Variants in PPEF1 observed in about 807,000 individuals in gnomAD.
The protein encoded by PPEF1 is serine/threonine-protein phosphatase with EF-hands 1.
Under a neutral mutation model 53.3 loss-of-function variants are expected in PPEF1, and 12 were observed. The observed-to-expected ratio is 0.23, with a 90% CI of 0.14 to 0.36. The LOEUF is 0.36. Among genes scored for constraint, PPEF1 ranks in the 10% least tolerant of loss-of-function variants. PPEF1 has a pLI of 1.00. For missense variants in PPEF1, 334 were observed against 490.4 expected (o/e 0.68, Z 3.01); for synonymous variants, 165 against 176.7 (o/e 0.93, Z 0.52).
chrX:18,821,401 A>T (rs1482539089), intron 13 of PPEF1, among the ~76,000 whole-genome samples: 1 of 109,714 alleles, frequency 9.1e-6, no homozygotes, highest in Non-Finnish European at 1.9e-5. Context: ...AAAAAAAAAA[A>T]TTTGTTTTTG....
intron 3 of PPEF1, among the ~76,000 whole-genome samples, chrX:18,745,607 T>G (rs1234941391): frequency 9.0e-6 from 1 of 111,583 alleles, no homozygotes; most frequent in African/African-American, 3.3e-5. Context: ...TATTTCAGCT[T>G]CATGTCTTAT....
chrX:18,800,589 G>T (rs2046528774), intron 10 of PPEF1, among the ~76,000 whole-genome samples: 1 of 111,918 alleles, frequency 8.9e-6, no homozygotes, highest in Admixed American at 9.6e-5. Flanking sequence ...ATGATTTATA[G>T]TACAGATACT....
At chrX:18,743,219 T>G (rs1296002233) in intron 3 of PPEF1, among the ~76,000 whole-genome samples, 1 of 111,494 alleles carries the variant, frequency 9.0e-6, no homozygotes, top group Non-Finnish European at 1.9e-5. Flanking sequence ...CGCTTATATC[T>G]GTTCAGCTTT....
At chrX:18,770,553 AT>A (rs1177302474) in intron 6 of PPEF1, among the ~76,000 whole-genome samples, 1 of 111,539 alleles carries the variant, frequency 9.0e-6, no homozygotes, top group Non-Finnish European at 1.9e-5. Context: ...AATCTTGAAG[AT>A]TTTCTGAAAA....
intron 6 of PPEF1, among the ~76,000 whole-genome samples, chrX:18,702,313 G>A (rs1407863455): frequency 9.1e-6 from 1 of 110,293 alleles, no homozygotes; most frequent in Non-Finnish European, 1.9e-5. Context: ...TCGGGGGTGG[G>A]GGTAGAGGGT....
upstream of PPEF1, among the ~76,000 whole-genome samples, chrX:18,680,041 A>T (rs1312759554): frequency 9.5e-6 from 1 of 105,387 alleles, no homozygotes; most frequent in Admixed American, 1.0e-4. Flanking sequence ...GTGAGCCGTG[A>T]CTGTGCCATT....
At chrX:18,682,603 G>C (rs1423914219), upstream of PPEF1, among the ~76,000 whole-genome samples, 2 of 111,363 alleles carry the variant, frequency 1.8e-5, no homozygotes, top group Non-Finnish European at 3.8e-5. Flanking sequence ...ATATACCATT[G>C]ACTCTTCAGT....
chrX:18,685,634 G>A (rs752281357), intron 2 of PPEF1, among the ~76,000 whole-genome samples: 4 of 100,560 alleles, frequency 4.0e-5, no homozygotes, highest in African/African-American at 7.5e-5. Flanking sequence ...GCAGTGAGCC[G>A]AGATCTCGCC....
chrX:18,723,433 C>T (rs2044633273), intron 1 of PPEF1, among the ~76,000 whole-genome samples: 1 of 111,920 alleles, frequency 8.9e-6, no homozygotes, highest in Admixed American at 9.6e-5. Flanking sequence ...ATATGCTAAG[C>T]ATTTTATATG....
intron 14 of PPEF1, 100 bp from the exon 15 acceptor site, chrX:18,825,651 A>G: frequency 2.0e-6 from 1 of 499,551 alleles, no homozygotes; most frequent in Non-Finnish European, 3.1e-6. Flanking sequence ...AAATCACATC[A>G]TTTCAATTGT....
At chrX:18,711,361 A>G (rs915296698) in intron 1 of PPEF1, among the ~76,000 whole-genome samples, 2 of 110,493 alleles carry the variant, frequency 1.8e-5, no homozygotes, top group Non-Finnish European at 3.8e-5. Flanking sequence ...TTACCTAATG[A>G]GTACAATGTA....
intron 10 of PPEF1, among the ~76,000 whole-genome samples, chrX:18,801,981 C>T (rs1344307469): frequency 1.2e-5 from 1 of 86,947 alleles, no homozygotes; most frequent in South Asian, 5.2e-4. Flanking sequence ...GAGACTCCAT[C>T]ACAAAAAAAA....
chrX:18,776,565 G>A (rs1351183462), intron 6 of PPEF1, among the ~76,000 whole-genome samples: 2 of 111,522 alleles, frequency 1.8e-5, no homozygotes, highest in Non-Finnish European at 3.8e-5. Flanking sequence ...ACGATAGCCT[G>A]TATTTTTGCA....
intron 3 of PPEF1, chrX:18,690,827 G>A (rs1000718721): frequency 8.9e-6 from 1 of 112,567 alleles, no homozygotes; most frequent in Non-Finnish European, 1.9e-5. Context: ...TCTCATCCAG[G>A]TCATGTCGTC....
intron 2 of PPEF1, among the ~76,000 whole-genome samples, chrX:18,731,178 A>G (rs1019203825): frequency 8.9e-6 from 1 of 112,675 alleles, no homozygotes; most frequent in African/African-American, 3.2e-5. Flanking sequence ...TTTATGTGAA[A>G]GAACATGAAA....
intron 1 of PPEF1, among the ~76,000 whole-genome samples, chrX:18,713,832 A>G (rs1443140635): frequency 8.9e-6 from 1 of 111,975 alleles, no homozygotes; most frequent in African/African-American, 3.2e-5. Context: ...TTTCAGCACT[A>G]AAATGTTATG....
At chrX:18,742,653 G>A (rs771834934) in intron 3 of PPEF1, among the ~76,000 whole-genome samples, 45 of 111,073 alleles carry the variant, frequency 4.1e-4, no homozygotes, top group Non-Finnish European at 7.7e-4. Context: ...GAGATCAGGA[G>A]TTCAAGACCA....
chrX:18,680,266 T>C (rs1602332321), upstream of PPEF1, among the ~76,000 whole-genome samples: 1 of 109,808 alleles, frequency 9.1e-6, no homozygotes, highest in East Asian at 2.9e-4. Flanking sequence ...TAGATCACGC[T>C]GTTGCTTGTT....
At chrX:18,755,572 G>GCCCC (rs2045530992) in intron 4 of PPEF1, among the ~76,000 whole-genome samples, 47 of 109,262 alleles carry the variant, frequency 4.3e-4, no homozygotes, top group African/African-American at 1.6e-3. Context: ...ATCCCCCCCA[G>GCCCC]CCCCCAAAAA....
Sources: allele counts gnomAD v4.1 joint callset (sites outside exome capture counted in the v4.1 genomes callset), GRCh38; gene constraint gnomAD v4.1.1; transcripts MANE v1.5; gene names NCBI Gene and HGNC (gene_info 2026-07-23, HGNC 2026-07-21).